The following CLEC2B variants were observed in gnomAD, a reference collection of about 807,000 sequenced individuals.
CLEC2B encodes C-type lectin domain family 2 member B.
CLEC2B carries 14 observed loss-of-function variants against 16.2 expected under a neutral mutation model. The observed-to-expected ratio is 0.86, with a 90% CI of 0.57 to 1.35. CLEC2B has a LOEUF of 1.35. Ranked by LOEUF, CLEC2B falls within the 40% of genes most tolerant of loss-of-function variation. The pLI is 0.00. For synonymous variants in CLEC2B, 42 were observed against 55.8 expected (o/e 0.75, Z 1.10); for missense variants, 166 against 182.3 (o/e 0.91, Z 0.52).
chr12:9,857,432 G>A (rs753917977), intron 3 of CLEC2B, 42 bp downstream of exon 3: 10 of 1,438,372 alleles, frequency 7.0e-6, no homozygotes, highest in Middle Eastern at 2.0e-4. Flanking sequence ...CTAATGCTCC[G>A]ACTCAAGAAA....
intron 3 of CLEC2B, chr12:9,854,942 C>T (rs1180263279): frequency 1.2e-5 from 2 of 164,682 alleles, no homozygotes; most frequent in Non-Finnish European, 2.6e-5. Flanking sequence ...TACACATCCT[C>T]ATATATCCAG....
intron 2 of CLEC2B, among the ~76,000 whole-genome samples, chr12:9,861,203 A>G (rs1315756752): frequency 6.6e-6 from 1 of 152,042 alleles, no homozygotes; most frequent in Non-Finnish European, 1.5e-5. Flanking sequence ...TCTCATCTAG[A>G]ATATTAAACA....
At chr12:9,853,437 G>T in intron 4 of CLEC2B, 29 bp from the exon 5 acceptor site, 2 of 1,569,118 alleles carry the variant, frequency 1.3e-6, no homozygotes, top group Non-Finnish European at 1.8e-6. Context: ...CCATTATGTA[G>T]TCATGTGATT....
chr12:9,861,488 T>C (rs895537222), intron 2 of CLEC2B, among the ~76,000 whole-genome samples: 1 of 152,168 alleles, frequency 6.6e-6, no homozygotes, highest in Non-Finnish European at 1.5e-5. Context: ...ATCTACATTT[T>C]TGGTAAAATA....
rs1867852491 is a variant in CLEC2B at position 9,852,451 on chromosome 12, T to TA, written c.*848dup. Reference sequence around the variant, plus strand: ...CTGATTGGTGTGTGACAGTGGTGGGTAAAACCAGTTTTGCAGTCACAGTAG... The same window carrying TA: ...CTGATTGGTGTGTGACAGTGGTGGGTAAAAACCAGTTTTGCAGTCACAGTAG... On this transcript the variant is annotated 3_prime_UTR_variant, in exon 5 of 5. Coordinates refer to ENST00000228438, the MANE Select transcript of CLEC2B (RefSeq NM_005127.3). Among the ~76,000 whole-genome samples the TA allele has an allele frequency of 6.6e-6, 1 of 152,172 alleles. No homozygotes were observed. The highest frequency in any genetic ancestry group is 2.4e-5 in the African/African-American group (1 of 41,438).
intron 2 of CLEC2B, among the ~76,000 whole-genome samples, chr12:9,860,389 G>A (rs985928225): frequency 6.6e-6 from 1 of 151,738 alleles, no homozygotes; most frequent in Non-Finnish European, 1.5e-5. Context: ...GGACAATAGT[G>A]TTAATGAAAA....
Position 9,857,622 on chromosome 12 carries a change from T to C in CLEC2B, c.89A>G (p.Asp30Gly). 1 of 1,609,062 alleles carries C rather than the reference T, an allele frequency of 6.2e-7. No homozygotes were observed. Among genetic ancestry groups the C allele is most frequent in the Non-Finnish European group, 8.5e-7 (1 of 1,176,116 alleles). Reference sequence around the variant, plus strand: ...ATCATAGGGGCATAAACTCTGAGAATCTCGAGTTAGTTTAACTGGAAATGA... The same window carrying C: ...ATCATAGGGGCATAAACTCTGAGAACCTCGAGTTAGTTTAACTGGAAATGA... ...IITLIVKLTR[D>G]SQSLCPYDWI... is the part of the protein sequence containing the mutation. The change falls in exon 3 of 5, where the codon GAT becomes GGT. Residue 30 changes from aspartate (D) to glycine (G), a missense_variant. By Grantham distance (94) the Asp-to-Gly change is moderately conservative (BLOSUM62 -1). Coordinates refer to ENST00000228438, the MANE Select transcript of CLEC2B (RefSeq NM_005127.3).
Position 9,852,978 on chromosome 12 carries a change from C to T in CLEC2B, c.*322G>A. On this transcript the variant is annotated 3_prime_UTR_variant, in exon 5 of 5. Transcript: ENST00000228438. Reference sequence around the variant, plus strand: ...TCCTATTCTGGTACTCAAATTGTTCCATATTGGGTCATGAAAGTCCTGTCT... The same window carrying T: ...TCCTATTCTGGTACTCAAATTGTTCTATATTGGGTCATGAAAGTCCTGTCT... 1 of 224,556 alleles carries T rather than the reference C, an allele frequency of 4.5e-6. No homozygotes were observed. The highest frequency in any genetic ancestry group is 8.9e-6 in the Non-Finnish European group (1 of 112,262). 13.9% of individuals were successfully genotyped at this position (224,556 alleles called of 1,614,324 possible).
chr12:9,858,826 A>C (rs1591769008), intron 2 of CLEC2B, among the ~76,000 whole-genome samples: 2 of 151,934 alleles, frequency 1.3e-5, no homozygotes, highest in Non-Finnish European at 2.9e-5. Context: ...CTAGGATTTC[A>C]TTATAGTTCA....
At chr12:9,859,781 G>T (rs1044361272) in intron 2 of CLEC2B, among the ~76,000 whole-genome samples, 8 of 151,814 alleles carry the variant, frequency 5.3e-5, no homozygotes, top group African/African-American at 1.9e-4. Context: ...TTATGAAGAC[G>T]TAGGATATAT....
intron 3 of CLEC2B, among the ~76,000 whole-genome samples, chr12:9,856,476 CT>C (rs1009611215): frequency 1.3e-4 from 19 of 151,978 alleles, no homozygotes; most frequent in Non-Finnish European, 2.7e-4. Flanking sequence ...ATTTTACTAC[CT>C]TTTTTTCTTG....
chr12:9,868,800 G>A (rs778114347), intron 1 of CLEC2B, among the ~76,000 whole-genome samples: 16 of 151,968 alleles, frequency 1.1e-4, no homozygotes, highest in East Asian at 9.6e-4. Context: ...CCTAAAGCCC[G>A]GAGTATCTTT....
At chr12:9,868,740 C>T (rs1400426586) in intron 1 of CLEC2B, among the ~76,000 whole-genome samples, 1 of 152,068 alleles carries the variant, frequency 6.6e-6, no homozygotes, top group Non-Finnish European at 1.5e-5. Context: ...GGAGTACTAG[C>T]AATTCCTTAG....
intron 1 of CLEC2B, among the ~76,000 whole-genome samples, chr12:9,868,750 G>A (rs1204239470): frequency 6.6e-6 from 1 of 152,028 alleles, no homozygotes; most frequent in East Asian, 1.9e-4. Flanking sequence ...CAATTCCTTA[G>A]TAAGAGTAGG....
At chr12:9,860,419 A>G (rs968431368) in intron 2 of CLEC2B, among the ~76,000 whole-genome samples, 1 of 151,814 alleles carries the variant, frequency 6.6e-6, no homozygotes, top group Non-Finnish European at 1.5e-5. Flanking sequence ...GCTAGTTACA[A>G]TTGCATTATA....
intron 3 of CLEC2B, 118 bp downstream of exon 3, chr12:9,857,353 ATCT>A: frequency 1.4e-6 from 1 of 717,122 alleles, no homozygotes; most frequent in Non-Finnish European, 2.3e-6. Context: ...TACTCTGAAC[ATCT>A]TCAATTTTCT....
At chr12:9,855,335 G>GA (rs1317810067) in intron 3 of CLEC2B, among the ~76,000 whole-genome samples, 2 of 151,752 alleles carry the variant, frequency 1.3e-5, no homozygotes, top group Admixed American at 1.3e-4. Flanking sequence ...AAACTAATTT[G>GA]AAAAAAATAA....
rs942342635 is a variant in CLEC2B at position 9,863,268 on chromosome 12, C to T, written c.-2-695G>A. 3.9e-5 allele frequency among the ~76,000 whole-genome samples: 6 copies of T among 151,944 alleles called. 1 individual carries two copies. The South Asian group carries it at 8.3e-4, about 21-fold the overall frequency. On this transcript the variant is annotated intron_variant, in intron 1 of 4. Coordinates refer to ENST00000228438, the MANE Select transcript of CLEC2B (RefSeq NM_005127.3). The stretch of plus-strand genomic sequence containing the variant: ...CACCATGTAGTCATAACAAGGAGGC[C>T]GAAACCTAGCTGCCGCCCCCCACCC...
intron 1 of CLEC2B, among the ~76,000 whole-genome samples, chr12:9,865,046 G>T (rs768875499): frequency 6.6e-6 from 1 of 151,996 alleles, no homozygotes; most frequent in Non-Finnish European, 1.5e-5. Flanking sequence ...AGCTTGGTGT[G>T]GTGGTGTATG....
Sources: gnomAD v4.1 joint callset for allele counts (sites outside exome capture counted in the v4.1 genomes callset) on GRCh38, gnomAD v4.1.1 for gene constraint, MANE v1.5 for transcripts, NCBI Gene and HGNC (gene_info 2026-07-23, HGNC 2026-07-21) for gene names.